PLCL1: variants seen among roughly 807,000 people sequenced by gnomAD.
PLCL1 encodes phospholipase C like 1 (inactive).
PLCL1 carries 41 observed loss-of-function variants against 84.4 expected under a neutral mutation model. The observed-to-expected ratio is 0.49, with a 90% CI of 0.38 to 0.63. The LOEUF (loss-of-function observed/expected upper bound fraction) is 0.63, where lower values mean the gene tolerates loss of function less well. PLCL1 is among the 30% of genes least tolerant of loss of function. The probability of loss-of-function intolerance (pLI) is 0.00; values close to 1 mark genes in which losing one functional copy is unlikely to be tolerated. For synonymous variants in PLCL1, 490 were observed against 488.3 expected (o/e 1.00, Z -0.05); for missense variants, 1,206 against 1,367.8 (o/e 0.88, Z 1.87).
At position 197,858,880 on chromosome 2, in the gene PLCL1, T is replaced by C. The variant is rs530051292; in HGVS notation, c.240+53541T>C. 3.1e-4 allele frequency among the ~76,000 whole-genome samples: 47 copies of C among 152,232 alleles called. 1 individual carries two copies. The South Asian group carries it at 8.1e-3, about 26-fold the overall frequency. ...TTGGCAGAGAGTAGGTGATCTAAGA[T>C]GGCCTCAGTCAACTGTCTGGCAGTT... is the stretch of plus-strand genomic sequence containing the variant. On this transcript the variant is annotated intron_variant, in intron 1 of 5. Coordinates refer to ENST00000428675, the MANE Select transcript of PLCL1 (RefSeq NM_006226.4).
chr2:198,099,941 T>C (rs900040527), intron 3 of PLCL1, among the ~76,000 whole-genome samples: 1 of 152,160 alleles, frequency 6.6e-6, no homozygotes. Flanking sequence ...TATTTTTCAG[T>C]ACTTAATTTG....
intron 1 of PLCL1, among the ~76,000 whole-genome samples, chr2:198,036,308 G>A (rs1296423279): frequency 6.6e-6 from 1 of 152,152 alleles, no homozygotes; most frequent in Non-Finnish European, 1.5e-5. Context: ...CACTACTGAA[G>A]TAATATCTTA....
At chr2:198,043,881 CTTTTTT>C (rs397800019) in intron 1 of PLCL1, among the ~76,000 whole-genome samples, 1 of 124,870 alleles carries the variant, frequency 8.0e-6, no homozygotes, top group Non-Finnish European at 1.7e-5. Context: ...AATTCTTGTT[CTTTTTT>C]TTTTTTTTTT....
chr2:197,879,735 C>G (rs145984037), intron 1 of PLCL1, among the ~76,000 whole-genome samples: 192 of 152,208 alleles, frequency 1.3e-3, no homozygotes, highest in African/African-American at 4.3e-3. Flanking sequence ...TCCAAACAAC[C>G]CTTTCTGGTT....
intron 1 of PLCL1, among the ~76,000 whole-genome samples, chr2:198,067,534 A>T (rs1213744855): frequency 6.6e-6 from 1 of 152,122 alleles, no homozygotes; most frequent in Non-Finnish European, 1.5e-5. Flanking sequence ...TCAGTGAGGG[A>T]AAATATCAAT....
chr2:197,855,137 G>T (rs1274878489), intron 1 of PLCL1, among the ~76,000 whole-genome samples: 1 of 152,168 alleles, frequency 6.6e-6, no homozygotes, highest in Non-Finnish European at 1.5e-5. Flanking sequence ...ACTGGGGAAA[G>T]AATTTTGTTA....
intron 5 of PLCL1, among the ~76,000 whole-genome samples, chr2:198,111,183 C>G (rs1437555816): frequency 6.6e-6 from 1 of 151,860 alleles, no homozygotes; most frequent in East Asian, 1.9e-4. Flanking sequence ...CAATATAACA[C>G]AATGGCTTAT....
intron 1 of PLCL1, among the ~76,000 whole-genome samples, chr2:197,953,403 C>A (rs547514061): frequency 6.6e-6 from 1 of 151,964 alleles, no homozygotes; most frequent in African/African-American, 2.4e-5. Context: ...CTCTGGAAGC[C>A]CCCCATGGAT....
At chr2:198,137,073 T>G (rs1574338866) in intron 5 of PLCL1, among the ~76,000 whole-genome samples, 1 of 152,302 alleles carries the variant, frequency 6.6e-6, no homozygotes, top group South Asian at 2.1e-4. Context: ...GTTTTTCTTT[T>G]CTATTTGATC....
intron 1 of PLCL1, among the ~76,000 whole-genome samples, chr2:197,895,594 T>G (rs939592423): frequency 6.6e-6 from 1 of 151,950 alleles, no homozygotes; most frequent in Non-Finnish European, 1.5e-5. Flanking sequence ...ATTCAGAACA[T>G]TTATATATAT....
intron 1 of PLCL1, among the ~76,000 whole-genome samples, chr2:197,816,650 A>T (rs530797602): frequency 6.6e-6 from 1 of 152,232 alleles, no homozygotes; most frequent in South Asian, 2.1e-4. Flanking sequence ...TTATATTTTG[A>T]TAGATTTGTC....
In PLCL1 at chr2:198,086,192, A is replaced by C. The variant is rs753745164; in HGVS notation, c.2675A>C (p.His892Pro). Reference protein sequence around the residue: ...TIDDIFKIAVHPLREAIDMRE... With the variant: ...TIDDIFKIAVPPLREAIDMRE... ...GATGACATCTTTAAAATAGCGGTTC[A>C]TCCATTACGAGAAGCCATAGATATG... The change falls in exon 2 of 6, where the codon CAT (histidine) becomes CCT (proline). Residue 892 changes from histidine to proline, a missense_variant. Physicochemically the swap from His to Pro is moderately conservative, Grantham distance 77 (BLOSUM62 -2). Transcript: ENST00000428675. 4.3e-6 allele frequency: 7 copies of C among 1,613,732 alleles called. No homozygotes were observed. The South Asian group carries it at 7.7e-5, about 18-fold the overall frequency.
At chr2:197,991,715 C>G (rs1690349646) in intron 1 of PLCL1, among the ~76,000 whole-genome samples, 1 of 152,178 alleles carries the variant, frequency 6.6e-6, no homozygotes, top group Non-Finnish European at 1.5e-5. Flanking sequence ...TGCAGGACTG[C>G]TGCAGACGAG....
At position 197,804,793 on chromosome 2, in the gene PLCL1, C is replaced by G. The variant is rs1275127943; in HGVS notation, c.-307C>G. On this transcript the variant is annotated 5_prime_UTR_variant, in exon 1 of 6. Coordinates refer to ENST00000428675, the MANE Select transcript of PLCL1 (RefSeq NM_006226.4). Reference sequence around the variant, plus strand: ...CAGGGCCGGCGTTTGCATCACATTTCGGATACCTCCCTCTCTTTTTCGCCT... The same window carrying G: ...CAGGGCCGGCGTTTGCATCACATTTGGGATACCTCCCTCTCTTTTTCGCCT... 1 of 279,090 alleles carries G rather than the reference C, an allele frequency of 3.6e-6. No individual in the cohort carries two copies. The highest frequency in any genetic ancestry group is 6.4e-5 in the East Asian group (1 of 15,508). The allele number at this position is 279,090 out of a possible 1,614,324, so 17.3% of individuals were successfully genotyped here.
At chr2:197,936,224 A>G (rs1689051229) in intron 1 of PLCL1, among the ~76,000 whole-genome samples, 1 of 149,458 alleles carries the variant, frequency 6.7e-6, no homozygotes, top group Admixed American at 6.8e-5. Context: ...GCTGCAGTGC[A>G]TGGAGTGCAG....
rs565753061 is a variant in PLCL1 at position 198,114,045 on chromosome 2, G to A, written c.3105+10109G>A. 6.6e-5 allele frequency among the ~76,000 whole-genome samples: 10 copies of A among 151,832 alleles called. No individual in the cohort carries two copies. The South Asian group carries it at 1.9e-3, about 28-fold the overall frequency. The stretch of plus-strand genomic sequence containing the variant: ...TATAATATAGAATATTAGTATTAGT[G>A]TTAGATATATGGGTAAATTTTTTGA... On this transcript the variant is annotated intron_variant, in intron 5 of 5. Coordinates refer to ENST00000428675, the MANE Select transcript of PLCL1 (RefSeq NM_006226.4).
At chr2:198,000,272 A>C (rs971211704) in intron 1 of PLCL1, among the ~76,000 whole-genome samples, 2 of 152,030 alleles carry the variant, frequency 1.3e-5, no homozygotes, top group Non-Finnish European at 2.9e-5. Context: ...TTGGACTTAT[A>C]TTTATTTTTA....
At chr2:197,925,826 A>G (rs963227736) in intron 1 of PLCL1, among the ~76,000 whole-genome samples, 5 of 151,528 alleles carry the variant, frequency 3.3e-5, no homozygotes, top group African/African-American at 9.7e-5. Context: ...TTTTATTTCA[A>G]TCTCTCTTTT....
At chr2:197,951,001 T>G (rs1025610915) in intron 1 of PLCL1, among the ~76,000 whole-genome samples, 3 of 152,112 alleles carry the variant, frequency 2.0e-5, no homozygotes, top group African/African-American at 7.2e-5. Flanking sequence ...TGTTCCCTTC[T>G]GTAGAAGTTG....
Sources: gnomAD v4.1 joint callset for allele counts (sites outside exome capture counted in the v4.1 genomes callset) on GRCh38, gnomAD v4.1.1 for gene constraint, MANE v1.5 for transcripts, NCBI Gene and HGNC (gene_info 2026-07-23, HGNC 2026-07-21) for gene names.